SEMA5A: variants seen among roughly 807,000 people sequenced by gnomAD.
SEMA5A encodes semaphorin-5A.
In SEMA5A, 55 loss-of-function variants were observed where a neutral mutation model predicts 135.5. The observed-to-expected ratio is 0.41, with a 90% CI of 0.33 to 0.51. The LOEUF (loss-of-function observed/expected upper bound fraction) is 0.51, where lower values mean the gene tolerates loss of function less well. Ranked by LOEUF, SEMA5A falls within the 20% of genes least tolerant of loss-of-function variation. SEMA5A has a pLI of 0.37. For synonymous variants in SEMA5A, 580 were observed against 546.5 expected, an observed-to-expected ratio of 1.06 and a Z score of -0.85; for missense variants, 1,290 against 1,419.9, an observed-to-expected ratio of 0.91 and a Z score of 1.47.
At chr5:9,253,066 GA>G (rs1394833375) in intron 5 of SEMA5A, among the ~76,000 whole-genome samples, 1 of 152,122 alleles carries the variant, frequency 6.6e-6, no homozygotes, top group Non-Finnish European at 1.5e-5. Context: ...ACAATTTATG[GA>G]AGAGCTAAAC....
intron 15 of SEMA5A, among the ~76,000 whole-genome samples, chr5:9,111,882 C>G (rs1025802653): frequency 6.6e-6 from 1 of 152,176 alleles, no homozygotes; most frequent in African/African-American, 2.4e-5. Context: ...AGAGAAGCCC[C>G]TCTTATGAAG....
chr5:9,146,225 C>T (rs1742326371), intron 12 of SEMA5A, among the ~76,000 whole-genome samples: 1 of 152,180 alleles, frequency 6.6e-6, no homozygotes, highest in Non-Finnish European at 1.5e-5. Flanking sequence ...GTCTTCCTCA[C>T]TGTCCTAATT....
intron 8 of SEMA5A, among the ~76,000 whole-genome samples, chr5:9,209,655 A>C (rs1029265684): frequency 6.6e-6 from 1 of 152,222 alleles, no homozygotes; most frequent in Non-Finnish European, 1.5e-5. Context: ...GGAAACGTGC[A>C]TGATGGCTCT....
At chr5:9,273,960 T>C (rs1313690872) in intron 5 of SEMA5A, among the ~76,000 whole-genome samples, 1 of 152,164 alleles carries the variant, frequency 6.6e-6, no homozygotes. Context: ...GCTAGCATCA[T>C]AATGACAGGA....
chr5:9,222,881 C>G (rs747642256), intron 8 of SEMA5A, among the ~76,000 whole-genome samples: 27 of 152,218 alleles, frequency 1.8e-4, no homozygotes, highest in Non-Finnish European at 3.5e-4. Context: ...GTAACTCATA[C>G]TATGACCTGA....
intron 5 of SEMA5A, among the ~76,000 whole-genome samples, chr5:9,254,268 T>G (rs142903797): frequency 2.0e-5 from 3 of 152,272 alleles, no homozygotes; most frequent in African/African-American, 7.2e-5. Flanking sequence ...AGAAAAAAAG[T>G]AATTGTAATA....
At chr5:9,536,138 T>G (rs968105419) in intron 1 of SEMA5A, among the ~76,000 whole-genome samples, 1 of 151,792 alleles carries the variant, frequency 6.6e-6, no homozygotes, top group Non-Finnish European at 1.5e-5. Context: ...TTTACATGGG[T>G]TTGGGGGAGG....
chr5:9,228,151 A>G (rs2150425719), intron 6 of SEMA5A, among the ~76,000 whole-genome samples: 1 of 152,336 alleles, frequency 6.6e-6, no homozygotes, highest in African/African-American at 2.4e-5. Flanking sequence ...GACAATTACC[A>G]CAGAGCTGTC....
At chr5:9,139,666 C>T (rs1445543202) in intron 12 of SEMA5A, among the ~76,000 whole-genome samples, 2 of 152,106 alleles carry the variant, frequency 1.3e-5, no homozygotes, top group Non-Finnish European at 2.9e-5. Context: ...AAATGCAGCC[C>T]TCTCTGAGTA....
Position 9,416,375 on chromosome 5 carries a change from C to G in SEMA5A, c.-78+21381G>C, listed in dbSNP as rs138591752. ...ATCACTGGTATCCACAGAATGAACC[C>G]CAAAGCCATCGCCCATCAAAGGGCA... is the stretch of plus-strand genomic sequence containing the variant. On this transcript the variant is annotated intron_variant, in intron 2 of 22. Transcript: ENST00000382496. Among the ~76,000 whole-genome samples the G allele has an allele frequency of 7.5e-3, 1,148 of 152,198 alleles. 8 individuals are homozygous for G. Among genetic ancestry groups the G allele is most frequent in the Admixed American group, 0.016 (245 of 15,286 alleles).
intron 12 of SEMA5A, among the ~76,000 whole-genome samples, chr5:9,143,151 G>A (rs1030266802): frequency 6.6e-6 from 1 of 152,122 alleles, no homozygotes; most frequent in Non-Finnish European, 1.5e-5. Context: ...GTTATATCGT[G>A]CTAGACAGTA....
intron 1 of SEMA5A, among the ~76,000 whole-genome samples, chr5:9,535,572 T>TA (rs3834273): frequency 0.087 from 7,194 of 82,876 alleles, 386 homozygotes; most frequent in African/African-American, 0.22. Context: ...ATGTGTTGTT[T>TA]AAAAAAAAAA....
intron 2 of SEMA5A, among the ~76,000 whole-genome samples, chr5:9,424,902 T>C (rs2126639947): frequency 6.6e-6 from 1 of 152,320 alleles, no homozygotes; most frequent in South Asian, 2.1e-4. Context: ...CAAGCTGGTC[T>C]TCCTGCTTCC....
intron 3 of SEMA5A, 69 bp downstream of exon 3, chr5:9,379,754 C>T: frequency 1.3e-6 from 2 of 1,568,462 alleles, no homozygotes; most frequent in Non-Finnish European, 1.7e-6. Flanking sequence ...GCTCTATTAT[C>T]TTCTATCACT....
At chr5:9,491,917 C>A (rs1317373285) in intron 1 of SEMA5A, among the ~76,000 whole-genome samples, 2 of 152,210 alleles carry the variant, frequency 1.3e-5, no homozygotes, top group African/African-American at 4.8e-5. Flanking sequence ...CCTCAACTTA[C>A]AGACAAACAC....
At chr5:9,363,404 A>AC (rs1237309493) in intron 3 of SEMA5A, 1 of 144,834 alleles carries the variant, frequency 6.9e-6, no homozygotes, top group African/African-American at 2.6e-5. Context: ...AATGGCTGCT[A>AC]CCCCCACCTC....
chr5:9,293,677 CT>C (rs1751195356), intron 5 of SEMA5A, among the ~76,000 whole-genome samples: 1 of 152,158 alleles, frequency 6.6e-6, no homozygotes, highest in African/African-American at 2.4e-5. Flanking sequence ...ACTTTTCTTT[CT>C]CCTCCTCCAA....
chr5:9,052,082 T>TC (rs1471438261), intron 19 of SEMA5A, 54 bp from the exon 20 acceptor site: 1 of 1,477,582 alleles, frequency 6.8e-7, no homozygotes, highest in East Asian at 2.4e-5. Flanking sequence ...AGCTCAATCA[T>TC]CCTAGACTCA....
At chr5:9,277,894 C>T (rs1434981961) in intron 5 of SEMA5A, among the ~76,000 whole-genome samples, 1 of 151,932 alleles carries the variant, frequency 6.6e-6, no homozygotes, top group African/African-American at 2.4e-5. Flanking sequence ...ACCACCGTGG[C>T]ACGTGTATAT....
Sources: gnomAD v4.1 joint callset for allele counts (sites outside exome capture counted in the v4.1 genomes callset) on GRCh38, gnomAD v4.1.1 for gene constraint, MANE v1.5 for transcripts, NCBI Gene and HGNC (gene_info 2026-07-23, HGNC 2026-07-21) for gene names.